The following WWOX variants were observed in gnomAD, a reference collection of about 807,000 sequenced individuals.
The protein encoded by WWOX is WW domain containing oxidoreductase, also known as WW domain-containing oxidoreductase.
WWOX carries 69 observed loss-of-function variants against 46.2 expected under a neutral mutation model. That is an observed-to-expected ratio of 1.49 (90% CI 1.23 to 1.82). The LOEUF (loss-of-function observed/expected upper bound fraction) is 1.82. WWOX is among the 40% of genes most tolerant of loss of function. The probability of loss-of-function intolerance (pLI) is 0.00; values close to 1 mark genes in which losing one functional copy is unlikely to be tolerated. For missense variants in WWOX, 919 were observed against 542.6 expected (o/e 1.69, Z -6.89); for synonymous variants, 359 against 202.6 (o/e 1.77, Z -6.56).
At chr16:78,940,626 C>T (rs1162005809) in intron 8 of WWOX, among the ~76,000 whole-genome samples, 3 of 151,914 alleles carry the variant, frequency 2.0e-5, no homozygotes, top group South Asian at 2.1e-4. Flanking sequence ...TTAAAATATC[C>T]CTAAACAGGC....
At chr16:78,500,786 G>C (rs886548798) in intron 8 of WWOX, among the ~76,000 whole-genome samples, 2 of 152,160 alleles carry the variant, frequency 1.3e-5, no homozygotes, top group African/African-American at 4.8e-5. Context: ...TTCAGGCAGT[G>C]TTTACCAAAA....
chr16:78,642,774 G>A (rs546980539), intron 8 of WWOX, among the ~76,000 whole-genome samples: 12 of 152,146 alleles, frequency 7.9e-5, no homozygotes, highest in African/African-American at 2.2e-4. Flanking sequence ...AACTCAGGGC[G>A]TGAGGCACAC....
chr16:78,902,669 G>T (rs1240215988), intron 8 of WWOX, among the ~76,000 whole-genome samples: 1 of 152,206 alleles, frequency 6.6e-6, no homozygotes, highest in Non-Finnish European at 1.5e-5. Context: ...GGCTCTGCAG[G>T]GAGGGCAAGA....
intron 1 of WWOX, among the ~76,000 whole-genome samples, chr16:78,108,151 C>A (rs1002007119): frequency 6.6e-6 from 1 of 151,388 alleles, no homozygotes; most frequent in African/African-American, 2.4e-5. Context: ...TGGTCTCCAT[C>A]TCCTGACCTT....
chr16:78,166,089 G>A (rs1192141249), intron 5 of WWOX, among the ~76,000 whole-genome samples: 6 of 151,982 alleles, frequency 3.9e-5, no homozygotes, highest in Non-Finnish European at 8.8e-5. Context: ...TCCTTCTCTT[G>A]GAAGATAAAC....
chr16:78,939,172 C>G (rs1048731825), intron 8 of WWOX, among the ~76,000 whole-genome samples: 4 of 152,136 alleles, frequency 2.6e-5, no homozygotes, highest in Admixed American at 2.6e-4. Flanking sequence ...AGATGCCTCC[C>G]AGAACAGTTT....
intron 5 of WWOX, among the ~76,000 whole-genome samples, chr16:78,328,270 C>T (rs757838588): frequency 2.6e-5 from 4 of 152,064 alleles, no homozygotes; most frequent in Non-Finnish European, 4.4e-5. Context: ...TTGGAATTGT[C>T]GTGGTCTTGT....
chr16:78,370,905 A>G (rs2081664005), intron 5 of WWOX, among the ~76,000 whole-genome samples: 1 of 149,280 alleles, frequency 6.7e-6, no homozygotes, highest in Non-Finnish European at 1.5e-5. Context: ...AAGATGGCCA[A>G]CATTTCTAAA....
At chr16:78,619,235 G>C in intron 8 of WWOX, among the ~76,000 whole-genome samples, 1 of 104,372 alleles carries the variant, frequency 9.6e-6, no homozygotes, top group Non-Finnish European at 1.9e-5. Context: ...ATGGGGGCCT[G>C]CCCTTGTAGT....
chr16:78,619,185 A>ATATATATTTT lies in WWOX; in HGVS notation c.1056+186440_1056+186441insTTTTATATAT, dbSNP rs2046113228. On this transcript the variant is annotated intron_variant, in intron 8 of 8. Coordinates refer to ENST00000566780, the MANE Select transcript of WWOX (RefSeq NM_016373.4). ...TATATATATATATATATATATATATATATATATATATATATATATATATAT... is the reference window on the plus strand; with the variant it reads ...TATATATATATATATATATATATATATATATATTTTTATATATATATATATATATATATAT... 1.1e-4 allele frequency among the ~76,000 whole-genome samples: 3 copies of ATATATATTTT among 26,892 alleles called. 1 individual carries two copies. The highest frequency in any genetic ancestry group is 1.9e-4 in the Non-Finnish European group (3 of 15,740). The allele number at this position is 26,892 out of a possible 152,430, so 17.6% of individuals were successfully genotyped here.
At chr16:79,183,292 G>A (rs931271499) in intron 8 of WWOX, among the ~76,000 whole-genome samples, 5 of 152,196 alleles carry the variant, frequency 3.3e-5, no homozygotes, top group Non-Finnish European at 2.9e-5. Context: ...GGCTTGCATA[G>A]CACCTTCAAC....
intron 8 of WWOX, among the ~76,000 whole-genome samples, chr16:78,965,205 C>T (rs906978493): frequency 6.6e-6 from 1 of 152,180 alleles, no homozygotes; most frequent in African/African-American, 2.4e-5. Context: ...ATGTTTCCAT[C>T]AGTAACATGG....
At chr16:78,531,290 G>C (rs2043615206) in intron 8 of WWOX, among the ~76,000 whole-genome samples, 1 of 152,168 alleles carries the variant, frequency 6.6e-6, no homozygotes, top group Non-Finnish European at 1.5e-5. Context: ...CGAGATGGAT[G>C]GTTGCATTAG....
At chr16:78,951,812 G>C (rs1438649286) in intron 8 of WWOX, among the ~76,000 whole-genome samples, 1 of 152,180 alleles carries the variant, frequency 6.6e-6, no homozygotes, top group Non-Finnish European at 1.5e-5. Context: ...TGCAGGAAAG[G>C]TCTGAGCAGA....
chr16:78,432,306 A>T (rs139187704), intron 7 of WWOX, among the ~76,000 whole-genome samples, 182 bp from the exon 8 acceptor site: 1 of 152,002 alleles, frequency 6.6e-6, no homozygotes, highest in East Asian at 1.9e-4. Flanking sequence ...GCATTTTGCC[A>T]TGTTGGCCAG....
intron 8 of WWOX, among the ~76,000 whole-genome samples, chr16:79,182,050 G>C (rs377107055): frequency 6.6e-6 from 1 of 150,688 alleles, no homozygotes; most frequent in African/African-American, 2.5e-5. Flanking sequence ...GAAGGGTACC[G>C]CAGGGGAACC....
At chr16:78,602,513 C>T (rs192548797) in intron 8 of WWOX, among the ~76,000 whole-genome samples, 2,450 of 152,190 alleles carry the variant, frequency 0.016, 49 homozygotes, top group East Asian at 0.069. Context: ...ATTACAGGTG[C>T]TAGCCACCAC....
chr16:78,638,391 G>T (rs896053498), intron 8 of WWOX, among the ~76,000 whole-genome samples: 2 of 151,984 alleles, frequency 1.3e-5, no homozygotes, highest in African/African-American at 4.8e-5. Context: ...CTCTGGCTGG[G>T]TCTGCCTTTC....
chr16:78,585,242 C>G (rs1199205981), intron 8 of WWOX, among the ~76,000 whole-genome samples: 1 of 152,224 alleles, frequency 6.6e-6, no homozygotes. Context: ...CAAACTCAGG[C>G]TGAATGTTGA....
Sources: gnomAD v4.1 joint callset for allele counts (sites outside exome capture counted in the v4.1 genomes callset) on GRCh38, gnomAD v4.1.1 for gene constraint, MANE v1.5 for transcripts, NCBI Gene and HGNC (gene_info 2026-07-23, HGNC 2026-07-21) for gene names.